Variants in LIPA observed in about 807,000 individuals in gnomAD.
LIPA encodes lipase A, lysosomal acid type.
LIPA carries 26 observed loss-of-function variants against 40.6 expected under a neutral mutation model. The observed-to-expected ratio is 0.64, with a 90% CI of 0.47 to 0.89. The LOEUF is 0.89. LIPA is among the 40% of genes least tolerant of loss of function. The pLI, the probability that LIPA is intolerant of heterozygous loss-of-function variation, is 0.00. For synonymous variants in LIPA, 188 were observed against 168.4 expected, an observed-to-expected ratio of 1.12 and a Z score of -0.90; for missense variants, 455 against 479.6, an observed-to-expected ratio of 0.95 and a Z score of 0.48.
intron 1 of LIPA, among the ~76,000 whole-genome samples, chr10:89,263,521 C>A (rs1843220768): frequency 6.6e-6 from 1 of 152,182 alleles, no homozygotes; most frequent in South Asian, 2.1e-4. Flanking sequence ...CTAACCCTAC[C>A]AAACATATCA....
chr10:89,248,135 G>A (rs1843056617), intron 1 of LIPA, among the ~76,000 whole-genome samples: 1 of 149,358 alleles, frequency 6.7e-6, no homozygotes, highest in African/African-American at 2.5e-5. Flanking sequence ...AAAGTGCTGG[G>A]ATTACAGGCG....
chr10:89,395,837 C>A (rs2133618364), intron 2 of LIPA, among the ~76,000 whole-genome samples: 1 of 152,058 alleles, frequency 6.6e-6, no homozygotes, highest in South Asian at 2.1e-4. Context: ...AAAAATACAA[C>A]AGTGACCTTT....
At chr10:89,306,856 T>G (rs755045060) in intron 1 of LIPA, 1 of 1,614,034 alleles carries the variant, frequency 6.2e-7, no homozygotes, top group Non-Finnish European at 8.5e-7. Context: ...AAGTAATGAA[T>G]CTAAGAGAGA....
chr10:89,402,616 C>A, intron 2 of LIPA: 1 of 1,614,184 alleles, frequency 6.2e-7, no homozygotes, highest in Non-Finnish European at 8.5e-7. Context: ...CTGGCAGAAG[C>A]CCAGACTTAC....
intron 1 of LIPA, among the ~76,000 whole-genome samples, chr10:89,274,189 A>G (rs1843278813): frequency 6.6e-6 from 1 of 152,232 alleles, no homozygotes; most frequent in Admixed American, 6.5e-5. Flanking sequence ...ATTTGAAATG[A>G]TTTAACATTT....
chr10:89,235,761 A>G (rs921516596), intron 3 of LIPA, among the ~76,000 whole-genome samples: 21 of 152,252 alleles, frequency 1.4e-4, no homozygotes, highest in Non-Finnish European at 2.9e-4. Context: ...GTTAGCATGA[A>G]GCAGACCTCA....
chr10:89,407,047 C>A (rs946517936), intron 2 of LIPA, among the ~76,000 whole-genome samples: 2 of 152,136 alleles, frequency 1.3e-5, no homozygotes, highest in Non-Finnish European at 2.9e-5. Context: ...CTCTAACAAC[C>A]CCCAACTCTT....
intron 1 of LIPA, among the ~76,000 whole-genome samples, chr10:89,303,801 G>A (rs1033736693): frequency 6.6e-6 from 1 of 152,228 alleles, no homozygotes. Flanking sequence ...TCAACTGGAA[G>A]TTGGAAATAG....
chr10:89,337,709 T>C (rs910950813), intron 1 of LIPA, among the ~76,000 whole-genome samples: 4 of 152,206 alleles, frequency 2.6e-5, no homozygotes, highest in Admixed American at 2.6e-4. Flanking sequence ...GACTTGGTAA[T>C]TGAGCAGCGT....
intron 1 of LIPA, among the ~76,000 whole-genome samples, chr10:89,281,263 G>A (rs1314976175): frequency 6.6e-6 from 1 of 151,842 alleles, no homozygotes; most frequent in Non-Finnish European, 1.5e-5. Flanking sequence ...TATCAAGAAT[G>A]CCCCCCCACC....
At chr10:89,381,604 C>G (rs1157974211) in intron 2 of LIPA, among the ~76,000 whole-genome samples, 3 of 152,082 alleles carry the variant, frequency 2.0e-5, no homozygotes, top group Non-Finnish European at 2.9e-5. Flanking sequence ...CAAGGAGGGT[C>G]TAAGCATAGT....
chr10:89,289,045 A>G (rs1284993123), intron 1 of LIPA, among the ~76,000 whole-genome samples: 2 of 152,258 alleles, frequency 1.3e-5, no homozygotes, highest in Non-Finnish European at 2.9e-5. Context: ...GCTTATGCTG[A>G]TAAGGTAGCT....
chr10:89,343,486 A>T (rs1843889522), upstream of LIPA, among the ~76,000 whole-genome samples: 1 of 152,184 alleles, frequency 6.6e-6, no homozygotes, highest in African/African-American at 2.4e-5. Context: ...CTTGCGGAAG[A>T]GGAATTCTAG....
intron 1 of LIPA, among the ~76,000 whole-genome samples, chr10:89,302,890 G>A (rs968284336): frequency 1.3e-5 from 2 of 151,916 alleles, no homozygotes; most frequent in South Asian, 2.1e-4. Flanking sequence ...CTGGAATCCC[G>A]TGTTACCAAC....
At chr10:89,368,915 A>T (rs1844076372) in intron 2 of LIPA, among the ~76,000 whole-genome samples, 1 of 119,520 alleles carries the variant, frequency 8.4e-6, no homozygotes, top group Non-Finnish European at 1.6e-5. Flanking sequence ...TCACAAACAC[A>T]AACACAAAAC....
intron 3 of LIPA, among the ~76,000 whole-genome samples, chr10:89,233,877 C>A (rs900258051): frequency 1.3e-5 from 2 of 152,074 alleles, no homozygotes; most frequent in African/African-American, 2.4e-5. Flanking sequence ...CCCCACCCCC[C>A]ACAAAATAAA....
At chr10:89,247,379 C>CAAAAAAAAAAAAAAA (rs71022556) in intron 2 of LIPA, among the ~76,000 whole-genome samples, 159 bp downstream of exon 2, 1 of 75,448 alleles carries the variant, frequency 1.3e-5, no homozygotes, top group Non-Finnish European at 2.4e-5. Flanking sequence ...GACTCTGCCT[C>CAAAAAAAAAAAAAAA]AAAAAAAAAA....
chr10:89,296,897 A>C (rs1252233422), intron 1 of LIPA, among the ~76,000 whole-genome samples: 1 of 152,224 alleles, frequency 6.6e-6, no homozygotes, highest in Non-Finnish European at 1.5e-5. Flanking sequence ...ATGGCTGTAC[A>C]TTGTGATTTG....
chr10:89,275,418 G>A (rs906755388), intron 1 of LIPA, among the ~76,000 whole-genome samples: 3 of 152,164 alleles, frequency 2.0e-5, no homozygotes, highest in African/African-American at 4.8e-5. Flanking sequence ...GTTCTAGTCC[G>A]TATTTGTGGA....
Sources: allele counts gnomAD v4.1 joint callset (sites outside exome capture counted in the v4.1 genomes callset), GRCh38; gene constraint gnomAD v4.1.1; transcripts MANE v1.5; gene names NCBI Gene and HGNC (gene_info 2026-07-23, HGNC 2026-07-21).